The following AMPD1 variants were observed in gnomAD, a reference collection of about 807,000 sequenced individuals.
AMPD1 encodes adenosine monophosphate deaminase 1.
In AMPD1, 74 loss-of-function variants were observed where a neutral mutation model predicts 82.9. The observed-to-expected ratio is 0.89, with a 90% CI of 0.74 to 1.08. The LOEUF (loss-of-function observed/expected upper bound fraction) is 1.08, where lower values mean the gene tolerates loss of function less well. Ranked by LOEUF, AMPD1 falls within the 50% of genes least tolerant of loss-of-function variation. The probability of loss-of-function intolerance (pLI) is 0.00; values close to 1 mark genes in which losing one functional copy is unlikely to be tolerated. For synonymous variants in AMPD1, 333 were observed against 320.5 expected, an observed-to-expected ratio of 1.04 and a Z score of -0.42; for missense variants, 881 against 924.5, an observed-to-expected ratio of 0.95 and a Z score of 0.61.
At chr1:114,686,988 TACA>T in intron 3 of AMPD1, 78 bp from the exon 4 acceptor site, 1 of 1,462,546 alleles carries the variant, frequency 6.8e-7, no homozygotes, top group Non-Finnish European at 9.6e-7. Context: ...TGTTTCTCTA[TACA>T]ATTTTATTCT....
intron 6 of AMPD1, 68 bp from the exon 7 acceptor site, chr1:114,679,776 A>G: frequency 6.5e-7 from 1 of 1,546,214 alleles, no homozygotes; most frequent in Non-Finnish European, 8.9e-7. Flanking sequence ...CACAATTTCA[A>G]AACTATCAGG....
chr1:114,680,168 A>T, intron 6 of AMPD1, 91 bp downstream of exon 6: 1 of 1,117,310 alleles, frequency 9.0e-7, no homozygotes. Context: ...TTTAGTAAAT[A>T]CTTAGTCTCA....
At chr1:114,675,008 A>G in intron 12 of AMPD1, 136 bp from the exon 13 acceptor site, 1 of 1,160,446 alleles carries the variant, frequency 8.6e-7, no homozygotes, top group African/African-American at 1.5e-5. Context: ...CCAAATCATA[A>G]TCTTAATTCT....
chr1:114,694,689 C>T (rs575372421), intron 1 of AMPD1, among the ~76,000 whole-genome samples: 104 of 151,692 alleles, frequency 6.9e-4, no homozygotes, highest in African/African-American at 2.5e-3. Flanking sequence ...ACAGAAAATA[C>T]AAAAACTAGC....
At position 114,675,586 on chromosome 1, in the gene AMPD1, G is replaced by T; in HGVS notation, c.1623C>A (p.Tyr541Ter). 6.2e-7 allele frequency: 1 copy of T among 1,614,204 alleles called. No homozygotes were observed. The highest frequency in any genetic ancestry group is 8.5e-7 in the Non-Finnish European group (1 of 1,180,012). ...CATACATGTAGTAGGCATAGTAAGT[G>T]TAAGATGGATTCTTTTCCAATGTCC... Reference protein sequence around the residue: ...QEWTLEKNPSYTYYAYYMYAN... With the variant: ...QEWTLEKNPS The change falls in exon 12 of 16, where the codon TAC becomes TAA. Residue 541 changes from tyrosine (Y) to a stop codon, truncating the protein, a stop_gained. Transcript: ENST00000520113. LOFTEE classifies it high-confidence loss of function.
At position 114,679,565 on chromosome 1, in the gene AMPD1, A is replaced by T; in HGVS notation, c.897+14T>A. On this transcript the variant is annotated intron_variant, in intron 7 of 15. Coordinates refer to ENST00000520113, the MANE Select transcript of AMPD1 (RefSeq NM_000036.3). ...TTTGCCCAGGAATTACCCCTGAGCAACTAAAATGTTTACCTTCCTGCAGTT... is the reference window on the plus strand; with the variant it reads ...TTTGCCCAGGAATTACCCCTGAGCATCTAAAATGTTTACCTTCCTGCAGTT... 6.2e-7 allele frequency: 1 copy of T among 1,613,710 alleles called. No homozygotes were observed. Among genetic ancestry groups the T allele is most frequent in the Non-Finnish European group, 8.5e-7 (1 of 1,179,838 alleles).
chr1:114,676,133 C>T, intron 10 of AMPD1, 130 bp from the exon 11 acceptor site: 1 of 1,110,094 alleles, frequency 9.0e-7, no homozygotes, highest in Non-Finnish European at 1.3e-6. Flanking sequence ...TAGGTCCATG[C>T]TCCTCATACA....
intron 3 of AMPD1, among the ~76,000 whole-genome samples, chr1:114,688,072 T>C (rs1658371756): frequency 6.6e-6 from 1 of 152,124 alleles, no homozygotes; most frequent in Admixed American, 6.5e-5. Flanking sequence ...GCTTTCTTCT[T>C]TTTTCATCAT....
chr1:114,674,504 G>A (rs1164514127), intron 13 of AMPD1, among the ~76,000 whole-genome samples: 1 of 152,180 alleles, frequency 6.6e-6, no homozygotes, highest in African/African-American at 2.4e-5. Flanking sequence ...ATTATCCCTT[G>A]TCAGGATTCT....
rs764505296 is a variant in AMPD1 at position 114,678,365 on chromosome 1, C to A, written c.1060G>T (p.Asp354Tyr). 7.4e-6 allele frequency: 12 copies of A among 1,614,122 alleles called. No homozygotes were observed. In the South Asian group the frequency reaches 8.8e-5, roughly 12 times the overall value. ...LFAKLKMHPY[D>Y]LTVDSLDVHA... is the part of the protein sequence containing the mutation. ...ACATCCAGAGAATCAACAGTCAGGT[C>A]ATAAGGATGCATTTTTAATTTAGCA... Residue 354 changes from aspartate to tyrosine, a missense_variant, in exon 8 of 16, where the codon GAC (aspartate) becomes TAC (tyrosine). This residue lies in a region of AMPD1 where 783 missense variants were observed against 786.4 expected (regional missense o/e 1.00). Coordinates refer to ENST00000520113, the MANE Select transcript of AMPD1 (RefSeq NM_000036.3).
chr1:114,677,533 A>C lies in AMPD1; in HGVS notation c.1225-19T>G. Reference sequence around the variant, plus strand: ...CTACCTCCTGCAAAGCCAAGAGAGAAGTCCAAGCCAGGGATTCCCACAAGT... The same window carrying C: ...CTACCTCCTGCAAAGCCAAGAGAGACGTCCAAGCCAGGGATTCCCACAAGT... On this transcript the variant is annotated intron_variant, in intron 9 of 15. Transcript: ENST00000520113. The C allele has an allele frequency of 6.2e-7, 1 of 1,613,662 alleles. No homozygotes were observed. Among genetic ancestry groups the C allele is most frequent in the Non-Finnish European group, 8.5e-7 (1 of 1,179,928 alleles).
chr1:114,675,081 G>A (rs915056038), intron 12 of AMPD1: 10 of 623,420 alleles, frequency 1.6e-5, no homozygotes, highest in Admixed American at 1.4e-4. Context: ...AGCAAATAAA[G>A]TGTTGATTGC....
At chr1:114,677,828 TC>T (rs1658042945) in intron 9 of AMPD1, 81 bp downstream of exon 9, 3 of 1,234,904 alleles carry the variant, frequency 2.4e-6, no homozygotes, top group Non-Finnish European at 2.2e-6. Context: ...CTTCCTTCCT[TC>T]CTTCCTTCCT....
intron 8 of AMPD1, 53 bp downstream of exon 8, chr1:114,678,280 A>G (rs1382047688): frequency 6.3e-7 from 1 of 1,589,110 alleles, no homozygotes; most frequent in East Asian, 2.2e-5. Context: ...TAGGAGAAAG[A>G]CATGTGGGGT....
In AMPD1 at chr1:114,673,291, G is replaced by A. The variant is rs1335023656; in HGVS notation, c.2086-19C>T. 3.7e-6 allele frequency: 6 copies of A among 1,613,318 alleles called. No homozygotes were observed. In the Admixed American group the frequency reaches 5.0e-5, roughly 13 times the overall value. Reference sequence around the variant, plus strand: ...CTTTCTCCTATAAGAGAAAAGGATGGCAGAATGATTGTTGTCTCTTTTCAC... The same window carrying A: ...CTTTCTCCTATAAGAGAAAAGGATGACAGAATGATTGTTGTCTCTTTTCAC... On this transcript the variant is annotated intron_variant, in intron 15 of 15. Transcript: ENST00000520113.
At chr1:114,684,103 A>C in intron 5 of AMPD1, 96 bp downstream of exon 5, 1 of 1,304,554 alleles carries the variant, frequency 7.7e-7, no homozygotes. Context: ...TGATATTTTT[A>C]GACTGGATTA....
At position 114,679,558 on chromosome 1, in the gene AMPD1, C is replaced by A. The variant is rs1328380132; in HGVS notation, c.897+21G>T. Reference sequence around the variant, plus strand: ...AATTGTTTTTGCCCAGGAATTACCCCTGAGCAACTAAAATGTTTACCTTCC... The same window carrying A: ...AATTGTTTTTGCCCAGGAATTACCCATGAGCAACTAAAATGTTTACCTTCC... On this transcript the variant is annotated intron_variant, in intron 7 of 15. Transcript: ENST00000520113. The A allele has an allele frequency of 1.9e-6, 3 of 1,613,494 alleles. No individual in the cohort carries two copies. The Admixed American group carries it at 5.0e-5, about 27-fold the overall frequency.
chr1:114,673,512 C>T, intron 15 of AMPD1, 127 bp downstream of exon 15: 2 of 900,390 alleles, frequency 2.2e-6, no homozygotes, highest in South Asian at 2.8e-5. Context: ...CCCTTCTAGT[C>T]CCTGTCCATA....
intron 4 of AMPD1, among the ~76,000 whole-genome samples, chr1:114,686,442 C>T (rs986782388): frequency 1.3e-5 from 2 of 152,144 alleles, no homozygotes; most frequent in African/African-American, 4.8e-5. Flanking sequence ...GACCACTCTA[C>T]TGCTCTCTTT....
Sources: allele counts gnomAD v4.1 joint callset (sites outside exome capture counted in the v4.1 genomes callset), GRCh38; gene constraint gnomAD v4.1.1; regional missense constraint gnomAD v4.1.1; transcripts MANE v1.5; gene names NCBI Gene and HGNC (gene_info 2026-07-23, HGNC 2026-07-21).